IRAK3: variants seen among roughly 807,000 people sequenced by gnomAD.
IRAK3 encodes interleukin-1 receptor-associated kinase 3.
In IRAK3, 57 loss-of-function variants were observed where a neutral mutation model predicts 56.6. The observed-to-expected ratio is 1.01, with a 90% CI of 0.81 to 1.26. The LOEUF (loss-of-function observed/expected upper bound fraction) is 1.26, where lower values mean the gene tolerates loss of function less well. IRAK3 is among the 50% of genes most tolerant of loss of function. The pLI is 0.00. For synonymous variants in IRAK3, 258 were observed against 255.7 expected (o/e 1.01, Z -0.09); for missense variants, 703 against 719.0 (o/e 0.98, Z 0.25).
chr12:66,247,950 G>A lies in IRAK3; in HGVS notation c.1570G>A (p.Glu524Lys), dbSNP rs768396002. 6.2e-7 allele frequency: 1 copy of A among 1,612,770 alleles called. No individual in the cohort carries two copies. The highest frequency in any genetic ancestry group is 8.5e-7 in the Non-Finnish European group (1 of 1,179,712). Reference protein sequence around the residue: ...VMFLSLDKKPESKRNEEACNM... With the variant: ...VMFLSLDKKPKSKRNEEACNM... ...GTTTCTGAGCTTGGACAAAAAGCCA[G>A]AGAGCAAGAGAAATGAGGAAGCTTG... The change falls in exon 12 of 12, where the codon GAG becomes AAG. Residue 524 changes from glutamate to lysine, a missense_variant. By Grantham distance (56) the Glu-to-Lys change is moderately conservative. Transcript: ENST00000261233.
chr12:66,189,542 C>G, intron 1 of IRAK3, 110 bp downstream of exon 1: 1 of 753,356 alleles, frequency 1.3e-6, no homozygotes, highest in Non-Finnish European at 1.7e-6. Context: ...GCGCGGCCTC[C>G]GGGAAGTTCC....
chr12:66,227,798 G>A (rs1250620842), intron 7 of IRAK3, among the ~76,000 whole-genome samples: 1 of 151,368 alleles, frequency 6.6e-6, no homozygotes, highest in Non-Finnish European at 1.5e-5. Context: ...ACAGAGAGAG[G>A]GAGAGAGAGA....
In IRAK3 at chr12:66,203,847, C is replaced by G; in HGVS notation, c.270C>G (p.Leu90=). ...NKTIGDLLQV[L]QEMGHRRAIH... The stretch of plus-strand genomic sequence containing the variant: ...CCATCGGTGACCTTTTACAGGTCCT[C>G]CAGGAGATGGGACATCGTCGAGCTA... The change falls in exon 2 of 12, where the codon CTC becomes CTG. Residue 90 remains leucine, a synonymous_variant. Transcript: ENST00000261233. 1 of 1,613,968 alleles carries G rather than the reference C, an allele frequency of 6.2e-7. No homozygotes were observed. The highest frequency in any genetic ancestry group is 2.2e-5 in the East Asian group (1 of 44,868).
intron 1 of IRAK3, among the ~76,000 whole-genome samples, chr12:66,201,577 G>T (rs553841989): frequency 6.6e-6 from 1 of 152,076 alleles, no homozygotes; most frequent in African/African-American, 2.4e-5. Context: ...CTTTCTCCCC[G>T]CTTTGCCTCA....
At position 66,203,861 on chromosome 12, in the gene IRAK3, AT is replaced by A; in HGVS notation, c.285del (p.Arg96ValfsTer6). ...TTACAGGTCCTCCAGGAGATGGGACATCGTCGAGCTATTCATTTAATTACAA... is the reference window on the plus strand; with the variant it reads ...TTACAGGTCCTCCAGGAGATGGGACACGTCGAGCTATTCATTTAATTACAA... ...DLLQVLQEMG[H>X]RRAIHLITNY... On this transcript the variant is annotated frameshift_variant, in exon 2 of 12. Transcript: ENST00000261233. LOFTEE classifies it high-confidence loss of function. 6.2e-7 allele frequency: 1 copy of A among 1,614,016 alleles called. No individual in the cohort carries two copies. Among genetic ancestry groups the A allele is most frequent in the Middle Eastern group, 1.7e-4 (1 of 6,060 alleles).
chr12:66,207,927 A>G (rs886844491), intron 2 of IRAK3, among the ~76,000 whole-genome samples: 1 of 152,216 alleles, frequency 6.6e-6, no homozygotes, highest in Non-Finnish European at 1.5e-5. Flanking sequence ...TTTGAGGTTC[A>G]TTTAATTGCC....
chr12:66,231,293 C>T (rs759405077), intron 8 of IRAK3, among the ~76,000 whole-genome samples: 16 of 152,102 alleles, frequency 1.1e-4, no homozygotes, highest in Non-Finnish European at 1.3e-4. Flanking sequence ...GGGCCAATTA[C>T]GTGAAGCCAG....
Position 66,247,905 on chromosome 12 carries a change from T to C in IRAK3, c.1525T>C (p.Cys509Arg), listed in dbSNP as rs1592606720. 1.2e-6 allele frequency: 2 copies of C among 1,614,214 alleles called. No homozygotes were observed. Among genetic ancestry groups the C allele is most frequent in the Non-Finnish European group, 1.7e-6 (2 of 1,180,032 alleles). ...DRMTQKTPFE[C>R]SQSEVMFLSL... is the part of the protein sequence containing the mutation. ...AATGACTCAGAAAACTCCTTTTGAA[T>C]GCAGCCAGTCTGAGGTTATGTTTCT... The change falls in exon 12 of 12, where the codon TGC (cysteine) becomes CGC (arginine). Residue 509 changes from cysteine to arginine, a missense_variant. Cys to Arg is a radical substitution (Grantham distance 180, BLOSUM62 -3). Coordinates refer to ENST00000261233, the MANE Select transcript of IRAK3 (RefSeq NM_007199.3).
At chr12:66,220,745 C>T (rs928505019) in intron 6 of IRAK3, among the ~76,000 whole-genome samples, 1 of 151,966 alleles carries the variant, frequency 6.6e-6, no homozygotes, top group Non-Finnish European at 1.5e-5. Flanking sequence ...CGGTCTCGAT[C>T]TCCTGACCTC....
chr12:66,203,453 G>A lies in IRAK3; in HGVS notation c.134-258G>A, dbSNP rs1316159912. On this transcript the variant is annotated intron_variant, in intron 1 of 11. Transcript: ENST00000261233. ...GGATAGGATCTTAGAACAGAAAAGA[G>A]GCATTAGTGGAAAAACTAGTGAAAT... Among the ~76,000 whole-genome samples the A allele has an allele frequency of 5.3e-5, 8 of 152,104 alleles. No homozygotes were observed. In the East Asian group the frequency reaches 1.2e-3, roughly 22 times the overall value.
At position 66,250,547 on chromosome 12, in the gene IRAK3, T is replaced by C. The variant is rs967998176; in HGVS notation, c.*2376T>C. 17 of 152,270 alleles carry C rather than the reference T, an allele frequency of 1.1e-4. No individual in the cohort carries two copies. Among genetic ancestry groups the C allele is most frequent in the South Asian group, 4.1e-4 (2 of 4,828 alleles). 9.4% of individuals were successfully genotyped at this position (152,270 alleles called of 1,614,324 possible). ...AGAACCCATGCCCACCACTGCTCTG[T>C]ACGGTATCTGGCTGCTCAGAGCTCT... On this transcript the variant is annotated 3_prime_UTR_variant, in exon 12 of 12. Transcript: ENST00000261233.
chr12:66,221,158 C>A (rs764483393), intron 6 of IRAK3, among the ~76,000 whole-genome samples: 3 of 152,032 alleles, frequency 2.0e-5, no homozygotes, highest in Non-Finnish European at 4.4e-5. Context: ...TCCTTAATTT[C>A]CTTTTCAGAT....
intron 8 of IRAK3, among the ~76,000 whole-genome samples, chr12:66,243,486 G>C (rs773023955): frequency 1.4e-4 from 22 of 152,208 alleles, no homozygotes; most frequent in Non-Finnish European, 2.8e-4. Flanking sequence ...GCTCTGAAGA[G>C]CCCTAAGCAA....
chr12:66,215,640 G>C (rs772518645), intron 5 of IRAK3, among the ~76,000 whole-genome samples: 2 of 152,076 alleles, frequency 1.3e-5, no homozygotes, highest in African/African-American at 2.4e-5. Context: ...TAGTTGTTAC[G>C]AGTAAAAATA....
chr12:66,222,535 T>C (rs190988005), intron 6 of IRAK3, among the ~76,000 whole-genome samples: 10 of 152,242 alleles, frequency 6.6e-5, no homozygotes, highest in Admixed American at 2.6e-4. Flanking sequence ...CTTTCATTTA[T>C]ATTTTATTTA....
At chr12:66,239,316 T>A (rs1349582541) in intron 8 of IRAK3, among the ~76,000 whole-genome samples, 1 of 128,774 alleles carries the variant, frequency 7.8e-6, no homozygotes, top group Non-Finnish European at 1.7e-5. Flanking sequence ...TTTTTTTTAA[T>A]GGAAATTGAT....
At chr12:66,245,397 T>C (rs1207393784) in intron 11 of IRAK3, 135 bp downstream of exon 11, 3 of 945,130 alleles carry the variant, frequency 3.2e-6, no homozygotes, top group African/African-American at 1.6e-5. Context: ...TCCAACATAA[T>C]AGTGTTTCCA....
intron 11 of IRAK3, among the ~76,000 whole-genome samples, 172 bp from the exon 12 acceptor site, chr12:66,247,523 T>C (rs904445704): frequency 6.6e-6 from 1 of 152,228 alleles, no homozygotes; most frequent in African/African-American, 2.4e-5. Flanking sequence ...CTTAATTTAC[T>C]CCTCAAAATA....
At chr12:66,191,714 C>T (rs1441467255) in intron 1 of IRAK3, among the ~76,000 whole-genome samples, 1 of 151,886 alleles carries the variant, frequency 6.6e-6, no homozygotes, top group Admixed American at 6.6e-5. Context: ...GTGGGCACAG[C>T]GAAGGGAGAA....
Sources: gnomAD v4.1 joint callset for allele counts (sites outside exome capture counted in the v4.1 genomes callset) on GRCh38, gnomAD v4.1.1 for gene constraint, MANE v1.5 for transcripts, NCBI Gene and HGNC (gene_info 2026-07-23, HGNC 2026-07-21) for gene names.